RYR1: variants seen among roughly 807,000 people sequenced by gnomAD.
RYR1 encodes the protein ryanodine receptor 1.
A neutral mutation model predicts 583.5 loss-of-function variants in RYR1; 342 were observed. That is an observed-to-expected ratio of 0.59 (90% CI 0.54 to 0.64). The LOEUF is 0.64. Ranked by LOEUF, RYR1 falls within the 30% of genes least tolerant of loss-of-function variation. RYR1 has a pLI of 0.00. For missense variants in RYR1, 6,032 were observed against 6,917.2 expected (o/e 0.87, Z 4.54); for synonymous variants, 2,791 against 2,822.5 (o/e 0.99, Z 0.35).
chr19:38,525,060 T>C (rs1971405988), intron 70 of RYR1, among the ~76,000 whole-genome samples: 1 of 152,078 alleles, frequency 6.6e-6, no homozygotes, highest in Non-Finnish European at 1.5e-5. Context: ...CTGGGCAACA[T>C]GGCAAGACAC....
Position 38,577,981 on chromosome 19 carries a change from C to T in RYR1, c.14236C>T (p.Leu4746=). 6.2e-7 allele frequency: 1 copy of T among 1,614,102 alleles called. No individual in the cohort carries two copies. The highest frequency in any genetic ancestry group is 8.5e-7 in the Non-Finnish European group (1 of 1,180,014). The change falls in exon 98 of 106, where the codon CTG becomes TTG. Residue 4746 remains leucine, a synonymous_variant. Transcript: ENST00000359596. ...GATTGCTGAGCTACTGGGCATGGAC[C>T]TGGCCACACTAGAGATCACAGCCCA... The part of the protein sequence containing the change: ...ERIAELLGMD[L]ATLEITAHNE...
chr19:38,506,595 T>A (rs1439130911), intron 56 of RYR1, 49 bp downstream of exon 56: 22 of 1,604,648 alleles, frequency 1.4e-5, no homozygotes, highest in Non-Finnish European at 1.9e-5. Flanking sequence ...ATTCACCGTG[T>A]GGTTTTGCTG....
intron 20 of RYR1, among the ~76,000 whole-genome samples, chr19:38,462,388 C>A (rs1967800058): frequency 6.6e-6 from 1 of 152,088 alleles, no homozygotes; most frequent in Admixed American, 6.5e-5. Context: ...GTGACTTCAT[C>A]CCCCTGTCCC....
intron 67 of RYR1, among the ~76,000 whole-genome samples, chr19:38,521,266 C>A (rs111349451): frequency 0.057 from 8,639 of 151,940 alleles, 837 homozygotes; most frequent in African/African-American, 0.2. Flanking sequence ...TGCACTCCAA[C>A]CTGGGCAACA....
intron 67 of RYR1, 122 bp downstream of exon 67, chr19:38,519,576 T>A (rs1264473147): frequency 1.8e-6 from 2 of 1,132,166 alleles, no homozygotes; most frequent in Non-Finnish European, 2.6e-6. Context: ...CCACCAACCT[T>A]CTGACTCTTC....
chr19:38,578,297 TC>T, intron 99 of RYR1, 93 bp downstream of exon 99: 1 of 1,318,162 alleles, frequency 7.6e-7, no homozygotes, highest in Non-Finnish European at 1.1e-6. Context: ...AAAGAATGAC[TC>T]CTGGGACCCT....
chr19:38,525,934 C>T (rs12984412), intron 71 of RYR1, among the ~76,000 whole-genome samples: 7,702 of 151,978 alleles, frequency 0.051, 271 homozygotes, highest in Admixed American at 0.12. Context: ...ATGACCCCTC[C>T]TTCCCTCCCT....
At chr19:38,502,384 G>T in intron 47 of RYR1, 123 bp from the exon 48 acceptor site, 2 of 879,262 alleles carry the variant, frequency 2.3e-6, no homozygotes, top group Non-Finnish European at 3.6e-6. Context: ...GTAGAGATTG[G>T]GAGGAGCAGG....
intron 48 of RYR1, 24 bp downstream of exon 48, chr19:38,502,751 T>TGGGGCAGAGGCAGGGGCA: frequency 1.9e-6 from 2 of 1,045,444 alleles, no homozygotes; most frequent in South Asian, 2.8e-5. Context: ...GGCTTCAGGG[T>TGGGGCAGAGGCAGGGGCA]GGGGCAGGGG....
At chr19:38,584,240 C>T (rs536668557) in intron 101 of RYR1, among the ~76,000 whole-genome samples, 4 of 143,754 alleles carry the variant, frequency 2.8e-5, no homozygotes, top group East Asian at 2.2e-4. Context: ...CTCCCATCCT[C>T]GCCCTCACCC....
At position 38,565,779 on chromosome 19, in the gene RYR1, A is replaced by C; in HGVS notation, c.13437+8A>C. 1 of 1,386,592 alleles carries C rather than the reference A, an allele frequency of 7.2e-7. No individual in the cohort carries two copies. The highest frequency in any genetic ancestry group is 9.3e-7 in the Non-Finnish European group (1 of 1,079,446). The allele number at this position is 1,386,592 out of a possible 1,614,324, so 85.9% of individuals were successfully genotyped here. ...CTCAAGAGGAAATTGGGGGTGAGAGAGCAGGCGGGGTTTTGGGGTTTTGGA... is the reference window on the plus strand; with the variant it reads ...CTCAAGAGGAAATTGGGGGTGAGAGCGCAGGCGGGGTTTTGGGGTTTTGGA... On this transcript the variant is annotated splice_region_variant and intron_variant, in intron 91 of 105. Coordinates refer to ENST00000359596, the MANE Select transcript of RYR1 (RefSeq NM_000540.3). This position sits in a 1 kb window ranked among gnomAD's most constrained non-coding sequence, Gnocchi z 4.7.
intron 102 of RYR1, among the ~76,000 whole-genome samples, chr19:38,585,461 T>A (rs1345431003): frequency 6.7e-6 from 1 of 148,464 alleles, no homozygotes; most frequent in Non-Finnish European, 1.5e-5. Context: ...TGTGTGTGTG[T>A]CTATATATAT....
Position 38,496,348 on chromosome 19 carries a change from G to A in RYR1, c.6663+19G>A. The A allele has an allele frequency of 6.2e-7, 1 of 1,613,870 alleles. No homozygotes were observed. Among genetic ancestry groups the A allele is most frequent in the Non-Finnish European group, 8.5e-7 (1 of 1,180,030 alleles). On this transcript the variant is annotated intron_variant, in intron 40 of 105. Transcript: ENST00000359596. This position sits in a 1 kb window ranked among gnomAD's most constrained non-coding sequence, Gnocchi z 4.8. ...GTCCAAGGTGAGGGCCCAGGCAGGT[G>A]CTGGGGAGCTCAGGGGAGGCAGCCA...
chr19:38,491,719 G>A (rs1018486710), intron 37 of RYR1, among the ~76,000 whole-genome samples: 26 of 152,146 alleles, frequency 1.7e-4, no homozygotes, highest in African/African-American at 5.8e-4. Flanking sequence ...GTGAGCCACT[G>A]CACCTGGCCC....
chr19:38,549,135 T>C (rs1972555472), intron 89 of RYR1, among the ~76,000 whole-genome samples: 1 of 152,056 alleles, frequency 6.6e-6, no homozygotes, highest in Non-Finnish European at 1.5e-5. Flanking sequence ...ACTAGACCAT[T>C]CCAAGTCTAA....
chr19:38,514,996 T>C (rs1369872184), intron 63 of RYR1, 30 bp from the exon 64 acceptor site: 1 of 1,557,346 alleles, frequency 6.4e-7, no homozygotes, highest in Non-Finnish European at 8.8e-7. Context: ...TGTGAGCGCA[T>C]GCCGCAGCCT....
intron 93 of RYR1, 86 bp downstream of exon 93, chr19:38,568,003 G>C: frequency 6.7e-7 from 1 of 1,482,538 alleles, no homozygotes; most frequent in Non-Finnish European, 9.3e-7. Flanking sequence ...CCTTGTTCTT[G>C]AGTTCATCTG....
In RYR1 at chr19:38,451,960, T is replaced by C. The variant is rs1967097645; in HGVS notation, c.1244+75T>C. The C allele has an allele frequency of 6.9e-6, 11 of 1,598,676 alleles. No individual in the cohort carries two copies. The Admixed American group carries it at 8.4e-5, about 12-fold the overall frequency. On this transcript the variant is annotated intron_variant, in intron 12 of 105. Coordinates refer to ENST00000359596, the MANE Select transcript of RYR1 (RefSeq NM_000540.3). Reference sequence around the variant, plus strand: ...TCCGGGCATCCATACACTTGGCCTCTTTCATCTCTACCTCTGTTGCCCACA... The same window carrying C: ...TCCGGGCATCCATACACTTGGCCTCCTTCATCTCTACCTCTGTTGCCCACA...
At chr19:38,567,703 G>T in intron 92 of RYR1, 70 bp from the exon 93 acceptor site, 1 of 1,612,996 alleles carries the variant, frequency 6.2e-7, no homozygotes, top group South Asian at 1.1e-5. Context: ...TTGGTGAATG[G>T]TTTTGAATGA....
Sources: allele counts gnomAD v4.1 joint callset (sites outside exome capture counted in the v4.1 genomes callset), GRCh38; gene constraint gnomAD v4.1.1; non-coding constraint Gnocchi (gnomAD v3.1); transcripts MANE v1.5; gene names NCBI Gene and HGNC (gene_info 2026-07-23, HGNC 2026-07-21).